Variants in TCP11L2 observed in about 807,000 individuals in gnomAD.
The protein encoded by TCP11L2 is t-complex 11 like 2, also known as T-complex protein 11-like protein 2.
TCP11L2 carries 39 observed loss-of-function variants against 50.7 expected under a neutral mutation model. The ratio of observed to expected loss-of-function variants is 0.77; its 90% CI spans 0.60 to 1.01. The LOEUF is 1.01. TCP11L2 is among the 50% of genes least tolerant of loss of function. The pLI is 0.00. For missense variants in TCP11L2, 612 were observed against 614.7 expected (o/e 1.00, Z 0.05); for synonymous variants, 192 against 219.3 (o/e 0.88, Z 1.10).
chr12:106,309,367 G>A (rs1270515501), intron 1 of TCP11L2, among the ~76,000 whole-genome samples: 1 of 152,066 alleles, frequency 6.6e-6, no homozygotes, highest in African/African-American at 2.4e-5. Flanking sequence ...TCTGGGATAA[G>A]GTGAGTGTCT....
At chr12:106,302,044 G>A (rs1229731783), upstream of TCP11L2, 2 of 152,472 alleles carry the variant, frequency 1.3e-5, no homozygotes, top group East Asian at 1.9e-4. Flanking sequence ...AACTGGAGAT[G>A]ACCCGGTTAG....
chr12:106,333,030 G>T (rs535969767), intron 6 of TCP11L2, among the ~76,000 whole-genome samples: 1 of 152,328 alleles, frequency 6.6e-6, no homozygotes, highest in South Asian at 2.1e-4. Flanking sequence ...ATATTTTATG[G>T]TGATGGAATA....
At chr12:106,345,319 G>A (rs2036199300) in intron 9 of TCP11L2, among the ~76,000 whole-genome samples, 1 of 152,036 alleles carries the variant, frequency 6.6e-6, no homozygotes, top group African/African-American at 2.4e-5. Context: ...TGTTCAACCA[G>A]GGTACTTTTG....
chr12:106,338,541 T>C (rs2035993859), intron 8 of TCP11L2, among the ~76,000 whole-genome samples: 1 of 152,244 alleles, frequency 6.6e-6, no homozygotes, highest in Non-Finnish European at 1.5e-5. Flanking sequence ...ACATATACCA[T>C]ATTTTCTTTA....
At chr12:106,320,807 G>A (rs1191171955) in intron 4 of TCP11L2, among the ~76,000 whole-genome samples, 3 of 152,214 alleles carry the variant, frequency 2.0e-5, no homozygotes, top group African/African-American at 7.2e-5. Flanking sequence ...CCGTGAAAGT[G>A]CTCAGTGAGC....
chr12:106,333,649 A>G (rs768673891), intron 6 of TCP11L2, among the ~76,000 whole-genome samples: 7 of 152,208 alleles, frequency 4.6e-5, no homozygotes, highest in African/African-American at 7.2e-5. Context: ...AAATATAAAC[A>G]TATTTATATA....
chr12:106,343,373 A>G (rs984909531), intron 9 of TCP11L2, among the ~76,000 whole-genome samples: 2 of 152,224 alleles, frequency 1.3e-5, no homozygotes, highest in African/African-American at 4.8e-5. Flanking sequence ...CTCTAAATGT[A>G]TGCCTGCAGA....
chr12:106,343,017 GCATTTTTAATCT>G (rs1242292236), intron 9 of TCP11L2, among the ~76,000 whole-genome samples: 1 of 152,174 alleles, frequency 6.6e-6, no homozygotes, highest in Non-Finnish European at 1.5e-5. Context: ...CAAATTGAAA[GCATTTTTAATCT>G]CATTCAAAGT....
chr12:106,319,561 CTCTT>C (rs1424488307), intron 4 of TCP11L2, among the ~76,000 whole-genome samples: 1 of 152,184 alleles, frequency 6.6e-6, no homozygotes, highest in Non-Finnish European at 1.5e-5. Context: ...GACGGGTTCT[CTCTT>C]TAAGTCTCTC....
chr12:106,346,495 A>G lies in TCP11L2; in HGVS notation c.1525A>G (p.Met509Val). The change falls in exon 10 of 10, where the codon ATG (methionine) becomes GTG (valine). Residue 509 changes from methionine to valine, a missense_variant. Met to Val is a conservative substitution (Grantham distance 21). Coordinates refer to ENST00000299045, the MANE Select transcript of TCP11L2 (RefSeq NM_152772.3). ...LRKLLFNEEA[M>V]GKVDASPPTN ...AAAGCTGCTCTTCAATGAGGAAGCC[A>G]TGGGGAAGGTAGATGCTTCACCTCC... The G allele has an allele frequency of 1.9e-6, 3 of 1,614,094 alleles. No individual in the cohort carries two copies. The highest frequency in any genetic ancestry group is 2.5e-6 in the Non-Finnish European group (3 of 1,179,988).
intron 8 of TCP11L2, among the ~76,000 whole-genome samples, chr12:106,339,179 C>A (rs1457314443): frequency 6.6e-6 from 1 of 152,084 alleles, no homozygotes; most frequent in Non-Finnish European, 1.5e-5. Flanking sequence ...GCCATTCAGA[C>A]TGGTATGAGA....
At chr12:106,325,411 ACAGT>A (rs551759472) in intron 6 of TCP11L2, 192 of 152,556 alleles carry the variant, frequency 1.3e-3, no homozygotes, top group African/African-American at 4.5e-3. Context: ...AGGTAGTGTG[ACAGT>A]CAGGAGAGGC....
At chr12:106,337,404 C>T (rs1034574072) in intron 8 of TCP11L2, among the ~76,000 whole-genome samples, 1 of 152,214 alleles carries the variant, frequency 6.6e-6, no homozygotes, top group African/African-American at 2.4e-5. Flanking sequence ...CTGATCTGAC[C>T]TTTCTCCTGA....
chr12:106,320,480 A>G (rs554557876), intron 4 of TCP11L2, among the ~76,000 whole-genome samples: 70 of 152,282 alleles, frequency 4.6e-4, no homozygotes, highest in African/African-American at 1.7e-3. Flanking sequence ...TGATCTCCTC[A>G]TGTCTGCATA....
chr12:106,320,586 G>C (rs1270910231), intron 4 of TCP11L2, among the ~76,000 whole-genome samples: 1 of 152,142 alleles, frequency 6.6e-6, no homozygotes, highest in African/African-American at 2.4e-5. Context: ...GAGTGAGTGT[G>C]GGTATGTGAG....
chr12:106,311,352 A>G (rs1363018220), intron 2 of TCP11L2, 120 bp downstream of exon 2: 1 of 1,161,194 alleles, frequency 8.6e-7, no homozygotes, highest in Non-Finnish European at 1.2e-6. Context: ...GATGCACCAG[A>G]ATAGCACTGC....
At chr12:106,312,406 G>T in intron 2 of TCP11L2, 1 of 1,228,312 alleles carries the variant, frequency 8.1e-7, no homozygotes, top group Non-Finnish European at 1.0e-6. Flanking sequence ...GTCAGACCTG[G>T]CAAAAGAAAT....
At chr12:106,299,633 A>G (rs1419069875), upstream of TCP11L2, among the ~76,000 whole-genome samples, 1 of 152,210 alleles carries the variant, frequency 6.6e-6, no homozygotes, top group Non-Finnish European at 1.5e-5. Context: ...CTTGGAACAT[A>G]ATGAGAAGCT....
intron 2 of TCP11L2, among the ~76,000 whole-genome samples, chr12:106,311,573 C>A (rs531634585): frequency 3.9e-5 from 6 of 152,156 alleles, no homozygotes; most frequent in Non-Finnish European, 8.8e-5. Context: ...TCAAATTGGT[C>A]TTTTCTGATT....
Sources: gnomAD v4.1 joint callset for allele counts (sites outside exome capture counted in the v4.1 genomes callset) on GRCh38, gnomAD v4.1.1 for gene constraint, MANE v1.5 for transcripts, NCBI Gene and HGNC (gene_info 2026-07-23, HGNC 2026-07-21) for gene names.